Variants in RBFOX1 observed in about 807,000 individuals in gnomAD.
RBFOX1 encodes RNA binding protein fox-1 homolog 1.
RBFOX1 carries 8 observed loss-of-function variants against 57.7 expected under a neutral mutation model. The ratio of observed to expected loss-of-function variants is 0.14; its 90% CI spans 0.08 to 0.25. The LOEUF (loss-of-function observed/expected upper bound fraction) is 0.25. RBFOX1 is among the 10% of genes least tolerant of loss of function. The probability of loss-of-function intolerance (pLI) is 1.00; values close to 1 mark genes in which losing one functional copy is unlikely to be tolerated. For synonymous variants in RBFOX1, 326 were observed against 222.4 expected, an observed-to-expected ratio of 1.47 and a Z score of -4.15; for missense variants, 611 against 548.5, an observed-to-expected ratio of 1.11 and a Z score of -1.14.
At chr16:7,529,288 A>G (rs748208293) in intron 5 of RBFOX1, among the ~76,000 whole-genome samples, 10 of 152,216 alleles carry the variant, frequency 6.6e-5, no homozygotes, top group Non-Finnish European at 7.3e-5. Flanking sequence ...GAAGAAAAAG[A>G]AAACTCAAAT....
chr16:7,667,210 C>T (rs548051775), intron 13 of RBFOX1, among the ~76,000 whole-genome samples: 1 of 152,146 alleles, frequency 6.6e-6, no homozygotes, highest in Non-Finnish European at 1.5e-5. Context: ...TTTGCTTTGT[C>T]TGATGATGAC....
intron 1 of RBFOX1, among the ~76,000 whole-genome samples, chr16:5,402,610 C>T (rs1469071111): frequency 1.3e-5 from 2 of 152,362 alleles, no homozygotes; most frequent in Admixed American, 6.5e-5. Context: ...TCCAAGTATA[C>T]AGTCATATGA....
At chr16:5,714,225 T>C (rs1242895272) in intron 3 of RBFOX1, among the ~76,000 whole-genome samples, 9 of 152,188 alleles carry the variant, frequency 5.9e-5, no homozygotes, top group Non-Finnish European at 2.9e-5. Context: ...TGCTCTCCCA[T>C]TGTGAATCTG....
chr16:7,123,426 G>A (rs1244851082), intron 4 of RBFOX1, among the ~76,000 whole-genome samples: 1 of 152,090 alleles, frequency 6.6e-6, no homozygotes, highest in Non-Finnish European at 1.5e-5. Context: ...GTACAGTGGT[G>A]CCAATACAGC....
intron 1 of RBFOX1, among the ~76,000 whole-genome samples, chr16:5,402,791 T>G (rs1019689675): frequency 6.6e-6 from 1 of 152,206 alleles, no homozygotes; most frequent in Non-Finnish European, 1.5e-5. Context: ...TTGGTTCCTC[T>G]GTTTCCTCTT....
At chr16:5,294,187 C>G (rs1486052103) in intron 1 of RBFOX1, among the ~76,000 whole-genome samples, 3 of 152,116 alleles carry the variant, frequency 2.0e-5, no homozygotes, top group Non-Finnish European at 4.4e-5. Context: ...TGAGATCACA[C>G]CACTGCACTC....
chr16:7,236,712 A>C (rs2093785418), intron 4 of RBFOX1, among the ~76,000 whole-genome samples: 1 of 151,992 alleles, frequency 6.6e-6, no homozygotes, highest in Admixed American at 6.6e-5. Context: ...TTAATTTCTA[A>C]GCCACTGCAA....
Position 6,736,286 on chromosome 16 carries a change from A to C in RBFOX1, c.-16+81636A>C, listed in dbSNP as rs1437511032. 3.3e-5 allele frequency among the ~76,000 whole-genome samples: 5 copies of C among 152,006 alleles called. No homozygotes were observed. The South Asian group carries it at 8.3e-4, about 25-fold the overall frequency. ...ATTTTGGTGCACCCATCACTGCATC[A>C]TATTGTCTTTTATCCCTCACCCCTC... On this transcript the variant is annotated intron_variant, in intron 3 of 15. Coordinates refer to ENST00000550418, the MANE Select transcript of RBFOX1 (RefSeq NM_018723.4).
chr16:6,018,367 C>T (rs2095012767), upstream of RBFOX1, among the ~76,000 whole-genome samples: 1 of 152,188 alleles, frequency 6.6e-6, no homozygotes, highest in African/African-American at 2.4e-5. Flanking sequence ...GTTGAAAAGA[C>T]TCCATGTAAA....
At chr16:7,387,546 G>T (rs759021689) in intron 4 of RBFOX1, among the ~76,000 whole-genome samples, 4 of 152,184 alleles carry the variant, frequency 2.6e-5, no homozygotes, top group African/African-American at 9.7e-5. Flanking sequence ...GAAGAGAGTG[G>T]CACATTGATC....
chr16:5,751,562 C>G (rs1422881754), intron 3 of RBFOX1, among the ~76,000 whole-genome samples: 3 of 152,078 alleles, frequency 2.0e-5, no homozygotes, highest in Non-Finnish European at 2.9e-5. Flanking sequence ...AGGATGAACT[C>G]TAGGAATCAG....
intron 1 of RBFOX1, among the ~76,000 whole-genome samples, chr16:6,209,213 G>A (rs948212178): frequency 2.0e-5 from 3 of 152,154 alleles, no homozygotes; most frequent in African/African-American, 7.2e-5. Context: ...GCTGGAGAAT[G>A]TGAAGGCATC....
intron 2 of RBFOX1, among the ~76,000 whole-genome samples, chr16:6,337,626 C>G (rs1182825283): frequency 1.3e-5 from 2 of 152,194 alleles, no homozygotes; most frequent in Admixed American, 6.5e-5. Context: ...CACGTGCTGT[C>G]AAGCAGCAAG....
At chr16:7,217,021 C>G (rs1476209360) in intron 4 of RBFOX1, among the ~76,000 whole-genome samples, 1 of 87,560 alleles carries the variant, frequency 1.1e-5, no homozygotes. Context: ...CCCTCCCTCC[C>G]TCCCTCCCTC....
At chr16:6,876,097 A>G (rs1419868848) in intron 3 of RBFOX1, among the ~76,000 whole-genome samples, 2 of 152,056 alleles carry the variant, frequency 1.3e-5, no homozygotes, top group African/African-American at 2.4e-5. Flanking sequence ...CACTTGATCC[A>G]GAAGGAACCC....
chr16:6,170,690 C>A (rs1270358288), intron 1 of RBFOX1, among the ~76,000 whole-genome samples: 2 of 152,054 alleles, frequency 1.3e-5, no homozygotes, highest in Admixed American at 6.6e-5. Context: ...TATTTCATCA[C>A]CCAAGTACTA....
At chr16:6,319,510 T>G (rs1199047802) in intron 2 of RBFOX1, among the ~76,000 whole-genome samples, 1 of 152,028 alleles carries the variant, frequency 6.6e-6, no homozygotes, top group Non-Finnish European at 1.5e-5. Context: ...CCTGATGGAG[T>G]ATTGTGTAAA....
At chr16:5,851,756 A>C (rs11860521) in intron 3 of RBFOX1, among the ~76,000 whole-genome samples, 6 of 152,176 alleles carry the variant, frequency 3.9e-5, no homozygotes, top group Non-Finnish European at 8.8e-5. Context: ...GTCATTGTTC[A>C]TGTCCGTTCA....
In RBFOX1 at chr16:6,910,684, A is replaced by T. The variant is rs1012335586; in HGVS notation, c.-15-141373A>T. ...GATTACGAGGCTCGTGGCCCTTCTC[A>T]GCTTCAAAGCCAGCAGTGTGACTCT... On this transcript the variant is annotated intron_variant, in intron 3 of 15. Coordinates refer to ENST00000550418, the MANE Select transcript of RBFOX1 (RefSeq NM_018723.4). Among the ~76,000 whole-genome samples, 4 of 152,182 alleles carry T rather than the reference A, an allele frequency of 2.6e-5. No individual in the cohort carries two copies. The South Asian group carries it at 6.2e-4, about 24-fold the overall frequency.
Sources: gnomAD v4.1 joint callset for allele counts (sites outside exome capture counted in the v4.1 genomes callset) on GRCh38, gnomAD v4.1.1 for gene constraint, MANE v1.5 for transcripts, NCBI Gene and HGNC (gene_info 2026-07-23, HGNC 2026-07-21) for gene names.